Variants in FAM163A observed in about 807,000 individuals in gnomAD.
FAM163A encodes the protein protein FAM163A.
In FAM163A, 7 loss-of-function variants were observed where a neutral mutation model predicts 12.0. The observed-to-expected ratio is 0.58, with a 90% confidence interval of 0.33 to 1.10. FAM163A has a LOEUF of 1.10. Among genes scored for constraint, FAM163A ranks in the 50% least tolerant of loss-of-function variants. The pLI, the probability that FAM163A is intolerant of heterozygous loss-of-function variation, is 0.03. For synonymous variants in FAM163A, 101 were observed against 91.0 expected, an observed-to-expected ratio of 1.11 and a Z score of -0.62; for missense variants, 202 against 218.6, an observed-to-expected ratio of 0.92 and a Z score of 0.48.
chr1:179,727,785 C>A, the FAM163A span, among the ~76,000 whole-genome samples: 8 of 152,180 alleles, frequency 5.3e-5, no homozygotes, highest in Admixed American at 3.3e-4. Flanking sequence ...CTGACATAAT[C>A]TTGAACTAAC....
the FAM163A span, among the ~76,000 whole-genome samples, chr1:179,733,070 T>C: frequency 6.6e-6 from 1 of 151,932 alleles, no homozygotes; most frequent in African/African-American, 2.4e-5. Context: ...ATGAAGCACA[T>C]ACCGAGGCGG....
Position 179,815,106 on chromosome 1 carries a change from CGCGCACAG to C in FAM163A, c.*918_*925del, listed in dbSNP as rs375678554. 0.062 allele frequency: 4,033 copies of C among 64,782 alleles called. 163 individuals are homozygous for C. The highest frequency in any genetic ancestry group is 0.27 in the African/African-American group (3,217 of 12,120). 4.0% of individuals were successfully genotyped at this position (64,782 alleles called of 1,614,324 possible). On this transcript the variant is annotated 3_prime_UTR_variant, in exon 5 of 5. Transcript: ENST00000341785. Reference sequence around the variant, plus strand: ...TCCCAGGTGTACGCACGCGCGCGCGCGCGCACAGACACACACACACACACACACACACA... The same window carrying C: ...TCCCAGGTGTACGCACGCGCGCGCGCACACACACACACACACACACACACA...
rs1285294812 is a variant in FAM163A at position 179,744,137 on chromosome 1, G to A, written c.-136+714G>A. Among the ~76,000 whole-genome samples, 3 of 152,236 alleles carry A rather than the reference G, an allele frequency of 2.0e-5. No homozygotes were observed. The East Asian group carries it at 5.8e-4, about 29-fold the overall frequency. Reference sequence around the variant, plus strand: ...CATGCAGGCGGCAGGGCCTGTGGGAGCCGGCGTCTCGGCCAGCGAGTCTGG... The same window carrying A: ...CATGCAGGCGGCAGGGCCTGTGGGAACCGGCGTCTCGGCCAGCGAGTCTGG... On this transcript the variant is annotated intron_variant, in intron 1 of 4. Coordinates refer to ENST00000341785, the MANE Select transcript of FAM163A (RefSeq NM_173509.3).
At chr1:179,767,040 A>T (rs1284669941) in intron 1 of FAM163A, among the ~76,000 whole-genome samples, 2 of 152,096 alleles carry the variant, frequency 1.3e-5, no homozygotes, top group African/African-American at 4.8e-5. Flanking sequence ...ACAGACATGA[A>T]CCACCGCCCC....
intron 1 of FAM163A, among the ~76,000 whole-genome samples, chr1:179,785,885 G>T (rs1690547568): frequency 6.6e-6 from 1 of 152,164 alleles, no homozygotes; most frequent in Non-Finnish European, 1.5e-5. Context: ...TAAGGAATTT[G>T]ATTCCTTACA....
rs188779798 is a variant in FAM163A, at chr1:179,759,011, T to C, written c.-136+15588T>C. 4.1e-3 allele frequency among the ~76,000 whole-genome samples: 624 copies of C among 152,366 alleles called. 1 individual carries two copies. The highest frequency in any genetic ancestry group is 0.014 in the African/African-American group (600 of 41,582). The stretch of plus-strand genomic sequence containing the variant: ...TCAGCTGCATATTAAGCACTTACTG[T>C]GTCTCAGATGTTGGGCCAGGTGCTG... On this transcript the variant is annotated intron_variant, in intron 1 of 4. Coordinates refer to ENST00000341785, the MANE Select transcript of FAM163A (RefSeq NM_173509.3).
intron 1 of FAM163A, among the ~76,000 whole-genome samples, chr1:179,804,596 C>T (rs947933420): frequency 1.6e-4 from 24 of 152,208 alleles, no homozygotes; most frequent in African/African-American, 5.6e-4. Context: ...AAATGTGGTA[C>T]ATATACACCA....
intron 1 of FAM163A, among the ~76,000 whole-genome samples, chr1:179,756,319 C>T (rs1300478994): frequency 6.6e-6 from 1 of 152,096 alleles, no homozygotes; most frequent in Non-Finnish European, 1.5e-5. Flanking sequence ...TAAATATAGA[C>T]AATGTCTATA....
At chr1:179,740,175 G>A (rs576034732), upstream of FAM163A, among the ~76,000 whole-genome samples, 272 of 66,512 alleles carry the variant, frequency 4.1e-3, no homozygotes, top group African/African-American at 0.022. Flanking sequence ...TTTGGTTTTT[G>A]TTGTTGTTGT....
intron 1 of FAM163A, among the ~76,000 whole-genome samples, chr1:179,806,351 G>C (rs1400542372): frequency 6.6e-6 from 1 of 152,234 alleles, no homozygotes; most frequent in African/African-American, 2.4e-5. Context: ...GAACATCTTG[G>C]AGAAAAGAAA....
chr1:179,750,584 G>A lies in FAM163A; in HGVS notation c.-136+7161G>A, dbSNP rs558920167. Among the ~76,000 whole-genome samples the A allele has an allele frequency of 2.0e-5, 3 of 152,338 alleles. No individual in the cohort carries two copies. In the South Asian group the frequency reaches 6.2e-4, roughly 32 times the overall value. The stretch of plus-strand genomic sequence containing the variant: ...CCAGTAGAATTAGGGTTCAGAGAAT[G>A]AGAGGGGAAATCATACAACATGAGC... On this transcript the variant is annotated intron_variant, in intron 1 of 4. Transcript: ENST00000341785.
At chr1:179,798,195 A>C (rs1692638193) in intron 1 of FAM163A, among the ~76,000 whole-genome samples, 1 of 151,714 alleles carries the variant, frequency 6.6e-6, no homozygotes, top group South Asian at 2.1e-4. Context: ...ACGCCACTGT[A>C]CTCCAGCCTG....
intron 1 of FAM163A, among the ~76,000 whole-genome samples, chr1:179,796,094 A>G (rs950351013): frequency 6.6e-6 from 1 of 151,610 alleles, no homozygotes; most frequent in African/African-American, 2.4e-5. Flanking sequence ...ATATCTGACG[A>G]AAGCTATGTA....
intron 3 of FAM163A, 53 bp from the exon 4 acceptor site, chr1:179,813,023 C>T: frequency 6.6e-7 from 1 of 1,506,472 alleles, no homozygotes. Context: ...CCCCCCGGCC[C>T]AGCCCAGGGC....
At chr1:179,785,592 A>C (rs1411437329) in intron 1 of FAM163A, among the ~76,000 whole-genome samples, 1 of 152,152 alleles carries the variant, frequency 6.6e-6, no homozygotes, top group Admixed American at 6.5e-5. Flanking sequence ...CACAATGTAT[A>C]AGTGATGTAT....
chr1:179,808,435 A>G (rs1694251727), intron 2 of FAM163A, among the ~76,000 whole-genome samples: 1 of 152,150 alleles, frequency 6.6e-6, no homozygotes, highest in Non-Finnish European at 1.5e-5. Flanking sequence ...ATTCATCCCA[A>G]AGGTCAACTG....
chr1:179,760,117 G>A (rs1271192964), intron 1 of FAM163A, among the ~76,000 whole-genome samples: 6 of 152,178 alleles, frequency 3.9e-5, no homozygotes, highest in Admixed American at 1.3e-4. Context: ...TGGTTATGGC[G>A]GTCCAGGCGA....
intron 1 of FAM163A, among the ~76,000 whole-genome samples, chr1:179,764,742 G>A (rs1185188702): frequency 1.3e-5 from 2 of 152,100 alleles, no homozygotes; most frequent in Non-Finnish European, 2.9e-5. Context: ...CATGGGCTCT[G>A]GGCACATGCT....
intron 1 of FAM163A, among the ~76,000 whole-genome samples, chr1:179,780,797 T>G (rs547199281): frequency 6.6e-6 from 1 of 152,230 alleles, no homozygotes; most frequent in Admixed American, 6.5e-5. Flanking sequence ...CAAAATAAGG[T>G]TCTTGACATT....
Sources: gnomAD v4.1 joint callset for allele counts (sites outside exome capture counted in the v4.1 genomes callset) on GRCh38, gnomAD v4.1.1 for gene constraint, MANE v1.5 for transcripts, NCBI Gene and HGNC (gene_info 2026-07-23, HGNC 2026-07-21) for gene names.